CACHD1: variants seen among roughly 807,000 people sequenced by gnomAD.
CACHD1 encodes the protein cache domain containing 1.
CACHD1 carries 71 observed loss-of-function variants against 138.7 expected under a neutral mutation model. The ratio of observed to expected loss-of-function variants is 0.51; its 90% CI spans 0.42 to 0.62. The LOEUF (loss-of-function observed/expected upper bound fraction) is 0.62. Among genes scored for constraint, CACHD1 ranks in the 20% least tolerant of loss-of-function variants. The pLI is 0.00. For missense variants in CACHD1, 1,389 were observed against 1,625.3 expected (o/e 0.85, Z 2.50); for synonymous variants, 578 against 591.5 (o/e 0.98, Z 0.33).
intron 8 of CACHD1, among the ~76,000 whole-genome samples, chr1:64,643,390 C>T (rs190969783): frequency 5.3e-4 from 80 of 152,244 alleles, no homozygotes; most frequent in African/African-American, 1.7e-3. Flanking sequence ...ATTTGCTAGT[C>T]GTTTGGCTTA....
At chr1:64,519,157 A>T (rs974679173) in intron 1 of CACHD1, among the ~76,000 whole-genome samples, 6 of 152,204 alleles carry the variant, frequency 3.9e-5, no homozygotes, top group Non-Finnish European at 7.3e-5. Context: ...TACCCATTTG[A>T]TAACAAAGAC....
rs567101960 is a variant in CACHD1 at position 64,670,000 on chromosome 1, A to G, written c.2388-1564A>G. Among the ~76,000 whole-genome samples the G allele has an allele frequency of 4.6e-5, 7 of 152,348 alleles. No homozygotes were observed. In the East Asian group the frequency reaches 1.3e-3, roughly 29 times the overall value. Reference sequence around the variant, plus strand: ...CTTCTCAGCCTAATCTTCTATTTATAAAATGGGAACTATGATTCCTTTATG... The same window carrying G: ...CTTCTCAGCCTAATCTTCTATTTATGAAATGGGAACTATGATTCCTTTATG... On this transcript the variant is annotated intron_variant, in intron 16 of 26. Coordinates refer to ENST00000651257, the MANE Select transcript of CACHD1 (RefSeq NM_020925.4).
chr1:64,499,520 GCTT>G (rs1646325448), intron 1 of CACHD1, among the ~76,000 whole-genome samples: 1 of 152,204 alleles, frequency 6.6e-6, no homozygotes, highest in Non-Finnish European at 1.5e-5. Context: ...GAAACTCAGA[GCTT>G]CTTATTCTGG....
chr1:64,588,699 C>G (rs757423879), intron 3 of CACHD1, among the ~76,000 whole-genome samples: 6 of 152,100 alleles, frequency 3.9e-5, no homozygotes, highest in Non-Finnish European at 7.4e-5. Flanking sequence ...TTTTATTGTC[C>G]ACATCACTTA....
chr1:64,629,091 G>C (rs929933672), intron 4 of CACHD1, among the ~76,000 whole-genome samples: 9 of 152,166 alleles, frequency 5.9e-5, no homozygotes, highest in African/African-American at 2.2e-4. Context: ...TGAATCATTT[G>C]TACTGGAAAA....
intron 3 of CACHD1, 46 bp downstream of exon 3, chr1:64,582,350 T>A (rs759279563): frequency 1.3e-6 from 2 of 1,516,462 alleles, no homozygotes; most frequent in Non-Finnish European, 1.8e-6. Context: ...AGACATTGAA[T>A]TGCTTATACA....
chr1:64,584,086 C>A (rs1570390799), intron 3 of CACHD1, among the ~76,000 whole-genome samples: 3 of 152,162 alleles, frequency 2.0e-5, no homozygotes, highest in Admixed American at 2.0e-4. Context: ...AAAGAAGAAA[C>A]CATTTTCAGG....
intron 7 of CACHD1, 114 bp downstream of exon 7, chr1:64,634,374 G>GTATT (rs151171151): frequency 0.69 from 177,786 of 258,022 alleles, 66,117 homozygotes; most frequent in Non-Finnish European, 0.78. Context: ...ATTTATTTAT[G>GTATT]TATGTATTTA....
chr1:64,491,044 A>C (rs1217973722), intron 1 of CACHD1, among the ~76,000 whole-genome samples: 1 of 152,212 alleles, frequency 6.6e-6, no homozygotes, highest in Non-Finnish European at 1.5e-5. Flanking sequence ...TAAATAATTG[A>C]ACCTGTCTAA....
At chr1:64,604,926 C>T (rs1022025265) in intron 4 of CACHD1, among the ~76,000 whole-genome samples, 1 of 150,212 alleles carries the variant, frequency 6.7e-6, no homozygotes, top group Non-Finnish European at 1.5e-5. Flanking sequence ...ACTGGGATTA[C>T]AGGCATGAGC....
chr1:64,600,317 A>G (rs1647200309), intron 3 of CACHD1, among the ~76,000 whole-genome samples: 1 of 152,184 alleles, frequency 6.6e-6, no homozygotes, highest in African/African-American at 2.4e-5. Context: ...GGTACTTCTC[A>G]TTCCTCCAGA....
intron 4 of CACHD1, among the ~76,000 whole-genome samples, chr1:64,609,601 C>T (rs1647456821): frequency 6.6e-6 from 1 of 152,038 alleles, no homozygotes; most frequent in African/African-American, 2.4e-5. Context: ...TTTCTCATAA[C>T]GACCCTATTA....
chr1:64,487,420 C>A (rs2100289386), intron 1 of CACHD1, among the ~76,000 whole-genome samples: 2 of 152,240 alleles, frequency 1.3e-5, no homozygotes, highest in South Asian at 4.2e-4. Context: ...TTAGTTTATG[C>A]CAATCAGGAC....
Position 64,675,421 on chromosome 1 carries a change from G to A in CACHD1, c.2748G>A (p.Val916=). 3.1e-6 allele frequency: 5 copies of A among 1,601,360 alleles called. No individual in the cohort carries two copies. Among genetic ancestry groups the A allele is most frequent in the Non-Finnish European group, 4.3e-6 (5 of 1,169,802 alleles). ...TGTAGGGGGATTTGACGAACCTTGT[G>A]CATGGCAGCCACTGTTCCAAATACA... is the stretch of plus-strand genomic sequence containing the variant. The part of the protein sequence containing the change: ...TSLAGDLTNL[V]HGSHCSKYRL... The change falls in exon 20 of 27, where the codon GTG becomes GTA. Residue 916 remains valine, a synonymous_variant. Coordinates refer to ENST00000651257, the MANE Select transcript of CACHD1 (RefSeq NM_020925.4).
intron 1 of CACHD1, among the ~76,000 whole-genome samples, chr1:64,520,319 T>G (rs1324132362): frequency 6.6e-6 from 1 of 152,220 alleles, no homozygotes; most frequent in Non-Finnish European, 1.5e-5. Flanking sequence ...ACATTTATAT[T>G]GCTAGCAAAG....
chr1:64,567,500 A>G (rs1029725636), intron 2 of CACHD1, among the ~76,000 whole-genome samples: 1 of 152,128 alleles, frequency 6.6e-6, no homozygotes, highest in African/African-American at 2.4e-5. Context: ...CACATAAGTC[A>G]TCCCATTAAA....
chr1:64,584,339 G>C (rs1012787044), intron 3 of CACHD1, among the ~76,000 whole-genome samples: 1 of 152,118 alleles, frequency 6.6e-6, no homozygotes, highest in Non-Finnish European at 1.5e-5. Context: ...TAGTGCCAAG[G>C]TTGAAAAACC....
chr1:64,576,178 A>G (rs6686231), intron 2 of CACHD1, among the ~76,000 whole-genome samples: 87,135 of 152,064 alleles, frequency 0.57, 27,413 homozygotes, highest in Non-Finnish European at 0.72. Context: ...AAGGATAAAG[A>G]AGGATAAAAG....
At chr1:64,519,930 G>A (rs1041987756) in intron 1 of CACHD1, among the ~76,000 whole-genome samples, 4 of 152,176 alleles carry the variant, frequency 2.6e-5, no homozygotes, top group Admixed American at 1.3e-4. Flanking sequence ...GCTAGTGCAA[G>A]TCTGAGACAT....
Sources: allele counts gnomAD v4.1 joint callset (sites outside exome capture counted in the v4.1 genomes callset), GRCh38; gene constraint gnomAD v4.1.1; transcripts MANE v1.5; gene names NCBI Gene and HGNC (gene_info 2026-07-23, HGNC 2026-07-21).